Variants in GFI1B observed in about 807,000 individuals in gnomAD.
The protein encoded by GFI1B is growth factor independent 1B transcriptional repressor.
A neutral mutation model predicts 35.3 loss-of-function variants in GFI1B; 20 were observed. The observed-to-expected ratio is 0.57, with a 90% CI of 0.40 to 0.82. The LOEUF (loss-of-function observed/expected upper bound fraction) is 0.82. GFI1B is among the 40% of genes least tolerant of loss of function. The pLI, the probability that GFI1B is intolerant of heterozygous loss-of-function variation, is 0.00. For missense variants in GFI1B, 430 were observed against 446.3 expected, an observed-to-expected ratio of 0.96 and a Z score of 0.33; for synonymous variants, 178 against 177.6, an observed-to-expected ratio of 1.00 and a Z score of -0.02.
At chr9:132,962,110 G>A (rs1848375350) in intron 1 of GFI1B, among the ~76,000 whole-genome samples, 1 of 147,256 alleles carries the variant, frequency 6.8e-6, no homozygotes, top group Non-Finnish European at 1.5e-5. Context: ...ACTCACACAT[G>A]TGTGCATACA....
chr9:132,985,030 C>G (rs1043481851), intron 1 of GFI1B, among the ~76,000 whole-genome samples: 3 of 150,684 alleles, frequency 2.0e-5, no homozygotes, highest in African/African-American at 7.3e-5. Flanking sequence ...TCTCCGGACC[C>G]TATCACCCCT....
intron 1 of GFI1B, among the ~76,000 whole-genome samples, chr9:132,963,117 TTC>T (rs1289105004): frequency 1.1e-4 from 16 of 151,946 alleles, no homozygotes; most frequent in African/African-American, 3.6e-4. Flanking sequence ...AATCTATTTT[TTC>T]TCTTTGTTTA....
chr9:132,987,445 TC>T, intron 3 of GFI1B, 26 bp downstream of exon 3: 1 of 1,613,956 alleles, frequency 6.2e-7, no homozygotes, highest in South Asian at 1.1e-5. Flanking sequence ...CCACTGTCAT[TC>T]CCCAGGGAGT....
chr9:132,975,686 A>C (rs1213735129), upstream of GFI1B, among the ~76,000 whole-genome samples: 1 of 152,212 alleles, frequency 6.6e-6, no homozygotes, highest in Admixed American at 6.5e-5. Flanking sequence ...CATGTGTTAC[A>C]TAAGGGAGGG....
At position 132,962,193 on chromosome 9, in the gene GFI1B, A is replaced by G. The variant is rs1016771077; in HGVS notation, c.-700-10532A>G. Among the ~76,000 whole-genome samples the G allele has an allele frequency of 2.0e-5, 3 of 146,354 alleles. No homozygotes were observed. In the Admixed American group the frequency reaches 2.1e-4, roughly 10 times the overall value. ...CACTCTGTCACACAGGCTGGAGTAC[A>G]GTGGTACCATCTCAGCTTTCTGCAA... On this transcript the variant is annotated intron_variant, in intron 1 of 10. Transcript: ENST00000339463.
At chr9:132,952,994 C>T (rs568648776) in intron 1 of GFI1B, 6 of 152,020 alleles carry the variant, frequency 3.9e-5, no homozygotes, top group Admixed American at 2.0e-4. Context: ...CTTGTTGATT[C>T]GTGTTTTATT....
intron 1 of GFI1B, among the ~76,000 whole-genome samples, chr9:132,972,465 T>C (rs1848546185): frequency 3.3e-5 from 5 of 151,490 alleles, no homozygotes; most frequent in Admixed American, 3.3e-4. Context: ...TGGTGTGTGC[T>C]TATGGTCCTA....
At chr9:132,965,352 G>A (rs55738727) in intron 1 of GFI1B, among the ~76,000 whole-genome samples, 11,656 of 152,224 alleles carry the variant, frequency 0.077, 487 homozygotes, top group African/African-American at 0.12. Flanking sequence ...AGATTGATTC[G>A]GAAATGTCAG....
chr9:132,979,431 GT>G (rs910646140), intron 1 of GFI1B, among the ~76,000 whole-genome samples: 15 of 151,996 alleles, frequency 9.9e-5, no homozygotes, highest in Non-Finnish European at 1.9e-4. Flanking sequence ...GTAGAGACGG[GT>G]TTCACCATGT....
intron 1 of GFI1B, among the ~76,000 whole-genome samples, chr9:132,970,613 G>A (rs1213746471): frequency 2.0e-5 from 3 of 152,254 alleles, no homozygotes; most frequent in South Asian, 4.2e-4. Context: ...TACTTATGTG[G>A]TTGACCATAG....
chr9:132,991,857 G>C (rs1162450867), downstream of GFI1B, among the ~76,000 whole-genome samples: 1 of 152,032 alleles, frequency 6.6e-6, no homozygotes, highest in Non-Finnish European at 1.5e-5. Flanking sequence ...ACCCGCTGAC[G>C]AGCCAGGAGC....
At chr9:132,960,669 T>G (rs1300639933) in intron 1 of GFI1B, among the ~76,000 whole-genome samples, 1 of 151,856 alleles carries the variant, frequency 6.6e-6, no homozygotes, top group Non-Finnish European at 1.5e-5. Context: ...GATACTTTTT[T>G]TATTTTTATT....
At chr9:132,968,607 G>A (rs1361571404) in intron 1 of GFI1B, among the ~76,000 whole-genome samples, 1 of 152,104 alleles carries the variant, frequency 6.6e-6, no homozygotes, top group Non-Finnish European at 1.5e-5. Context: ...TAATATAAAT[G>A]TTTAAAAAAT....
intron 1 of GFI1B, among the ~76,000 whole-genome samples, chr9:132,948,327 A>G (rs1256349777): frequency 6.6e-6 from 1 of 152,220 alleles, no homozygotes; most frequent in Non-Finnish European, 1.5e-5. Context: ...AGAGACAGAG[A>G]TGGAAAGAGA....
Position 132,991,123 on chromosome 9 carries a change from C to T in GFI1B, c.*73C>T. The T allele has an allele frequency of 7.4e-7, 1 of 1,353,966 alleles. No individual in the cohort carries two copies. Among genetic ancestry groups the T allele is most frequent in the South Asian group, 1.2e-5 (1 of 85,202 alleles). 83.9% of individuals were successfully genotyped at this position (1,353,966 alleles called of 1,614,324 possible). ...CACCTGGAGGCCAGCCTCACATGCCCAAATCTCCAGTCTCCTGGAGGTGGG... is the reference window on the plus strand; with the variant it reads ...CACCTGGAGGCCAGCCTCACATGCCTAAATCTCCAGTCTCCTGGAGGTGGG... On this transcript the variant is annotated 3_prime_UTR_variant, in exon 7 of 7. Transcript: ENST00000372122.
chr9:132,983,748 C>T (rs148301345), intron 1 of GFI1B, among the ~76,000 whole-genome samples: 35 of 152,354 alleles, frequency 2.3e-4, no homozygotes, highest in African/African-American at 7.7e-4. Flanking sequence ...ATCCCTAGCA[C>T]GTCGGCTCCA....
chr9:132,961,615 G>C (rs2905080), intron 1 of GFI1B, among the ~76,000 whole-genome samples: 49,029 of 143,634 alleles, frequency 0.34, 10,130 homozygotes, highest in South Asian at 0.56. Context: ...TTTTTGAGAC[G>C]GAGTCTCGCT....
rs376258276 is a variant in GFI1B at position 132,988,478 on chromosome 9, G to A, written c.510+10G>A. Reference sequence around the variant, plus strand: ...TGTGAAGTGCAACAAGGTGGGCAGCGGGGGGTGTGGTGGGCACCTGGGCCC... The same window carrying A: ...TGTGAAGTGCAACAAGGTGGGCAGCAGGGGGTGTGGTGGGCACCTGGGCCC... On this transcript the variant is annotated intron_variant, in intron 4 of 6. Coordinates refer to ENST00000372122, the MANE Select transcript of GFI1B (RefSeq NM_001377304.1). 6.2e-5 allele frequency: 100 copies of A among 1,611,046 alleles called. No homozygotes were observed. Among genetic ancestry groups the A allele is most frequent in the African/African-American group, 6.0e-4 (45 of 75,006 alleles).
chr9:132,964,986 T>C (rs1848428292), intron 1 of GFI1B, among the ~76,000 whole-genome samples: 1 of 152,070 alleles, frequency 6.6e-6, no homozygotes, highest in Non-Finnish European at 1.5e-5. Flanking sequence ...ACTTTTGCCT[T>C]CCTTTACCTC....
Sources: gnomAD v4.1 joint callset for allele counts (sites outside exome capture counted in the v4.1 genomes callset) on GRCh38, gnomAD v4.1.1 for gene constraint, MANE v1.5 for transcripts, NCBI Gene and HGNC (gene_info 2026-07-23, HGNC 2026-07-21) for gene names.